Variants in FLACC1 observed in about 807,000 individuals in gnomAD.
The protein encoded by FLACC1 is flagellum associated containing coiled-coil domains 1, also known as flagellum-associated coiled-coil domain-containing protein 1.
Under a neutral mutation model 62.8 loss-of-function variants are expected in FLACC1, and 66 were observed. The ratio of observed to expected loss-of-function variants is 1.05; its 90% CI spans 0.86 to 1.29. FLACC1 has a LOEUF of 1.29. Among genes scored for constraint, FLACC1 ranks in the 50% most tolerant of loss-of-function variants. The pLI is 0.00. For synonymous variants in FLACC1, 156 were observed against 161.0 expected, an observed-to-expected ratio of 0.97 and a Z score of 0.24; for missense variants, 452 against 489.1, an observed-to-expected ratio of 0.92 and a Z score of 0.71.
intron 12 of FLACC1, among the ~76,000 whole-genome samples, chr2:201,294,589 G>A (rs534489741): frequency 1.3e-5 from 2 of 152,308 alleles, no homozygotes; most frequent in African/African-American, 4.8e-5. Context: ...AAAACTGGAA[G>A]CATTCCCTTT....
upstream of FLACC1, among the ~76,000 whole-genome samples, chr2:201,362,170 T>G (rs745837663): frequency 1.6e-4 from 25 of 152,168 alleles, no homozygotes; most frequent in Non-Finnish European, 3.2e-4. Flanking sequence ...ATCAGAAGGT[T>G]TTTTGGACTT....
intron 11 of FLACC1, 23 bp downstream of exon 11, chr2:201,307,496 C>T (rs1191894458): frequency 1.3e-6 from 2 of 1,588,354 alleles, no homozygotes; most frequent in Admixed American, 3.3e-5. Flanking sequence ...ATTCAATCAC[C>T]AAGGTGCTTT....
intron 9 of FLACC1, among the ~76,000 whole-genome samples, chr2:201,314,406 C>T (rs1185560262): frequency 2.0e-5 from 3 of 152,138 alleles, no homozygotes; most frequent in African/African-American, 7.2e-5. Context: ...TCTGGTACGT[C>T]TCAGCAATAG....
chr2:201,349,407 T>C (rs757477401), intron 3 of FLACC1, among the ~76,000 whole-genome samples: 1 of 152,192 alleles, frequency 6.6e-6, no homozygotes, highest in Non-Finnish European at 1.5e-5. Flanking sequence ...TCACAGCCCC[T>C]ACCTGCTTTG....
At chr2:201,363,987 C>T in the FLACC1 span, among the ~76,000 whole-genome samples, 1 of 152,172 alleles carries the variant, frequency 6.6e-6, no homozygotes. Flanking sequence ...GCCCCTCCCT[C>T]CCTGTGTCTG....
chr2:201,294,661 G>A (rs1412750554), intron 12 of FLACC1, among the ~76,000 whole-genome samples: 1 of 152,202 alleles, frequency 6.6e-6, no homozygotes, highest in African/African-American at 2.4e-5. Flanking sequence ...AGTGTTGGAA[G>A]TTCTGGCCAG....
intron 5 of FLACC1, 24 bp from the exon 6 acceptor site, chr2:201,344,287 T>C (rs1350628887): frequency 6.4e-7 from 1 of 1,557,700 alleles, no homozygotes; most frequent in African/African-American, 1.4e-5. Flanking sequence ...AATTCTTCTA[T>C]CATCCACAAA....
intron 11 of FLACC1, 112 bp from the exon 12 acceptor site, chr2:201,299,412 C>A: frequency 1.3e-6 from 1 of 798,854 alleles, no homozygotes; most frequent in Admixed American, 2.4e-5. Context: ...AAAGCTTAGA[C>A]ACTGCTATAA....
intron 10 of FLACC1, 96 bp downstream of exon 10, chr2:201,309,055 G>C (rs1950161013): frequency 9.7e-7 from 1 of 1,026,386 alleles, no homozygotes; most frequent in Admixed American, 1.8e-5. Context: ...CATCACCCTT[G>C]GTAAGCCCAA....
At chr2:201,301,712 A>G (rs901893289) in intron 11 of FLACC1, among the ~76,000 whole-genome samples, 1 of 152,280 alleles carries the variant, frequency 6.6e-6, no homozygotes, top group Non-Finnish European at 1.5e-5. Flanking sequence ...AGGGAAGCCC[A>G]TCAGACTAAC....
intron 11 of FLACC1, among the ~76,000 whole-genome samples, chr2:201,300,554 C>G (rs1054166769): frequency 7.2e-5 from 11 of 152,176 alleles, no homozygotes; most frequent in Non-Finnish European, 1.0e-4. Flanking sequence ...ACATCCCTGT[C>G]TGACAGCTTT....
At chr2:201,356,022 G>C (rs1295924601) in intron 1 of FLACC1, among the ~76,000 whole-genome samples, 3 of 152,166 alleles carry the variant, frequency 2.0e-5, no homozygotes, top group Non-Finnish European at 2.9e-5. Flanking sequence ...TCCATGCCAG[G>C]CATTAACCCC....
At chr2:201,309,045 C>A (rs1950160781) in intron 10 of FLACC1, 106 bp downstream of exon 10, 1 of 884,706 alleles carries the variant, frequency 1.1e-6, no homozygotes, top group South Asian at 1.4e-5. Context: ...GCATGTGGCC[C>A]ATCACCCTTG....
At chr2:201,321,017 C>G (rs1950393646) in intron 9 of FLACC1, among the ~76,000 whole-genome samples, 1 of 152,226 alleles carries the variant, frequency 6.6e-6, no homozygotes. Context: ...CTGCACCATT[C>G]TGGCTAACCA....
At chr2:201,330,971 CTTTTTT>C in intron 7 of FLACC1, 138 bp from the exon 8 acceptor site, 2 of 425,040 alleles carry the variant, frequency 4.7e-6, no homozygotes, top group Non-Finnish European at 8.0e-6. Flanking sequence ...ATTTTTAAAT[CTTTTTT>C]TTTTTTTTTT....
intron 7 of FLACC1, among the ~76,000 whole-genome samples, chr2:201,338,333 T>C (rs1456764714): frequency 6.6e-6 from 1 of 152,186 alleles, no homozygotes; most frequent in Admixed American, 6.5e-5. Context: ...TATAAGATTA[T>C]GTTTTTCGGC....
chr2:201,294,043 CA>C (rs1949801188), intron 12 of FLACC1, among the ~76,000 whole-genome samples: 1 of 152,062 alleles, frequency 6.6e-6, no homozygotes, highest in South Asian at 2.1e-4. Context: ...GCTTACTAAC[CA>C]AAAAAAGTCC....
At chr2:201,351,657 T>C (rs1310270217) in intron 1 of FLACC1, among the ~76,000 whole-genome samples, 1 of 152,188 alleles carries the variant, frequency 6.6e-6, no homozygotes, top group Non-Finnish European at 1.5e-5. Context: ...AACTTTGCCA[T>C]AACTGGCTGG....
chr2:201,341,847 C>A (rs536325738), intron 7 of FLACC1, among the ~76,000 whole-genome samples: 1 of 152,266 alleles, frequency 6.6e-6, no homozygotes, highest in African/African-American at 2.4e-5. Context: ...CCATGGTAAC[C>A]ATGTTCTATT....
Sources: gnomAD v4.1 joint callset for allele counts (sites outside exome capture counted in the v4.1 genomes callset) on GRCh38, gnomAD v4.1.1 for gene constraint, MANE v1.5 for transcripts, NCBI Gene and HGNC (gene_info 2026-07-23, HGNC 2026-07-21) for gene names.